PLCG2: variants seen among roughly 807,000 people sequenced by gnomAD.
The protein encoded by PLCG2 is phospholipase C gamma 2.
In PLCG2, 69 loss-of-function variants were observed where a neutral mutation model predicts 175.6. The ratio of observed to expected loss-of-function variants is 0.39; its 90% CI spans 0.32 to 0.48. The LOEUF is 0.48. Among genes scored for constraint, PLCG2 ranks in the 20% least tolerant of loss-of-function variants. The probability of loss-of-function intolerance (pLI) is 0.91; values close to 1 mark genes in which losing one functional copy is unlikely to be tolerated. For synonymous variants in PLCG2, 827 were observed against 624.0 expected, an observed-to-expected ratio of 1.33 and a Z score of -4.85; for missense variants, 1,798 against 1,650.9, an observed-to-expected ratio of 1.09 and a Z score of -1.54.
At chr16:81,906,330 C>T (rs1410073520) in intron 15 of PLCG2, 1 of 152,234 alleles carries the variant, frequency 6.6e-6, no homozygotes, top group African/African-American at 2.4e-5. Flanking sequence ...CTGCCTCTAT[C>T]CCTTTACCTA....
At chr16:81,779,025 T>C (rs1910596111), upstream of PLCG2, among the ~76,000 whole-genome samples, 1 of 152,094 alleles carries the variant, frequency 6.6e-6, no homozygotes, top group South Asian at 2.1e-4. Context: ...TGCCATGATA[T>C]TGGGGAATTC....
chr16:81,744,205 G>T (rs1385193197), intron 1 of PLCG2, among the ~76,000 whole-genome samples: 1 of 123,228 alleles, frequency 8.1e-6, no homozygotes, highest in African/African-American at 3.2e-5. Flanking sequence ...GTCTCACTCT[G>T]TCACCAGGCT....
intron 2 of PLCG2, among the ~76,000 whole-genome samples, chr16:81,841,516 C>T (rs1024834056): frequency 6.6e-6 from 1 of 152,166 alleles, no homozygotes; most frequent in Non-Finnish European, 1.5e-5. Context: ...GCTGGGATTA[C>T]AGGCATGAAC....
At chr16:81,860,170 TTA>T (rs1442033492) in intron 5 of PLCG2, among the ~76,000 whole-genome samples, 193 of 87,574 alleles carry the variant, frequency 2.2e-3, no homozygotes, top group African/African-American at 5.1e-3. Context: ...ATTATTATTA[TTA>T]TTTTTTTTTT....
At chr16:81,952,271 A>G (rs748762481) in intron 31 of PLCG2, among the ~76,000 whole-genome samples, 6 of 152,124 alleles carry the variant, frequency 3.9e-5, no homozygotes, top group Non-Finnish European at 7.4e-5. Flanking sequence ...ATTTATATAT[A>G]TATATTCACA....
chr16:81,934,393 C>T (rs373202064), intron 25 of PLCG2, 36 bp from the exon 26 acceptor site: 31 of 1,322,102 alleles, frequency 2.3e-5, no homozygotes, highest in African/African-American at 1.9e-4. Context: ...TGGGATTTCT[C>T]GGGGGCGGGC....
chr16:81,908,678 A>C lies in PLCG2; in HGVS notation c.1733+87A>C, dbSNP rs368964105. ...GGCGAGTGGTTCTAGCTCAGGCAGGAATTGGGCAGGCTGGGACCTGAATCC... is the reference window on the plus strand; with the variant it reads ...GGCGAGTGGTTCTAGCTCAGGCAGGCATTGGGCAGGCTGGGACCTGAATCC... On this transcript the variant is annotated intron_variant, in intron 17 of 32. Transcript: ENST00000564138. 78 of 1,211,138 alleles carry C rather than the reference A, an allele frequency of 6.4e-5. No individual in the cohort carries two copies. In the East Asian group the frequency reaches 8.5e-4, roughly 13 times the overall value. 75.0% of individuals were successfully genotyped at this position (1,211,138 alleles called of 1,614,324 possible).
At position 81,791,899 on chromosome 16, in the gene PLCG2, G is replaced by A. The variant is rs558192341; in HGVS notation, c.193+5717G>A. The stretch of plus-strand genomic sequence containing the variant: ...ACTGTTGACCAAACATCTACCATGT[G>A]GTGGTCTCAGGCAGAAGAGTCCCAG... On this transcript the variant is annotated intron_variant, in intron 2 of 32. Coordinates refer to ENST00000564138, the MANE Select transcript of PLCG2 (RefSeq NM_002661.5). Among the ~76,000 whole-genome samples, 18 of 152,234 alleles carry A rather than the reference G, an allele frequency of 1.2e-4. No homozygotes were observed. In the South Asian group the frequency reaches 3.7e-3, roughly 32 times the overall value.
At chr16:81,874,395 A>G (rs1907666687) in intron 7 of PLCG2, among the ~76,000 whole-genome samples, 1 of 152,200 alleles carries the variant, frequency 6.6e-6, no homozygotes, top group Non-Finnish European at 1.5e-5. Context: ...TGGTCACTGC[A>G]TTTTAAAAAT....
chr16:81,883,208 C>T (rs1315139630), intron 8 of PLCG2, 61 bp from the exon 9 acceptor site: 12 of 1,472,864 alleles, frequency 8.1e-6, no homozygotes, highest in East Asian at 2.3e-5. Flanking sequence ...GCTGGCATCT[C>T]CTCTCGACTC....
intron 2 of PLCG2, among the ~76,000 whole-genome samples, chr16:81,804,058 C>G (rs1481911458): frequency 6.6e-6 from 1 of 152,212 alleles, no homozygotes; most frequent in Non-Finnish European, 1.5e-5. Flanking sequence ...TTCCATTTCT[C>G]TTGGCTCTTT....
chr16:81,830,179 G>C (rs1391028811), intron 2 of PLCG2, among the ~76,000 whole-genome samples: 3 of 152,002 alleles, frequency 2.0e-5, no homozygotes. Flanking sequence ...AATTAGCCAG[G>C]CATGTTGGCA....
intron 2 of PLCG2, among the ~76,000 whole-genome samples, chr16:81,791,377 G>A (rs572985988): frequency 6.6e-6 from 1 of 152,166 alleles, no homozygotes; most frequent in South Asian, 2.1e-4. Flanking sequence ...ATTAATGGGT[G>A]TCATGTAATA....
intron 2 of PLCG2, among the ~76,000 whole-genome samples, chr16:81,825,294 T>TGTTTTG (rs1555509889): frequency 7.2e-6 from 1 of 137,982 alleles, no homozygotes; most frequent in Non-Finnish European, 1.6e-5. Context: ...TTTTTTTTTT[T>TGTTTTG]TTTTTTTTTT....
chr16:81,923,321 TCG>T, intron 21 of PLCG2, 162 bp from the exon 22 acceptor site: 1 of 571,932 alleles, frequency 1.7e-6, no homozygotes, highest in Admixed American at 3.0e-5. Flanking sequence ...TTTGGGGCCT[TCG>T]ATCCTTTGCA....
chr16:81,847,547 C>A (rs12933648), intron 2 of PLCG2, among the ~76,000 whole-genome samples: 3 of 151,868 alleles, frequency 2.0e-5, no homozygotes, highest in East Asian at 1.9e-4. Flanking sequence ...CTTATCACTG[C>A]AGATTCCAAG....
intron 1 of PLCG2, chr16:81,739,738 C>A (rs1388211950): frequency 1.3e-5 from 2 of 152,274 alleles, no homozygotes; most frequent in Admixed American, 6.5e-5. Context: ...GGGCAAGGTA[C>A]TTAAACACCC....
chr16:81,826,589 G>T (rs1229481803), intron 2 of PLCG2, among the ~76,000 whole-genome samples: 1 of 152,180 alleles, frequency 6.6e-6, no homozygotes, highest in Non-Finnish European at 1.5e-5. Context: ...GTGGTTGTTG[G>T]AGGAAGCTTC....
intron 2 of PLCG2, among the ~76,000 whole-genome samples, chr16:81,831,835 C>T (rs1010681527): frequency 2.0e-5 from 3 of 152,320 alleles, no homozygotes; most frequent in Non-Finnish European, 2.9e-5. Flanking sequence ...CGGGAGGCCA[C>T]GCTAGCCATC....
Sources: allele counts gnomAD v4.1 joint callset (sites outside exome capture counted in the v4.1 genomes callset), GRCh38; gene constraint gnomAD v4.1.1; transcripts MANE v1.5; gene names NCBI Gene and HGNC (gene_info 2026-07-23, HGNC 2026-07-21).